Variants in MTUS2 observed in about 807,000 individuals in gnomAD.
The protein encoded by MTUS2 is microtubule associated scaffold protein 2.
Under a neutral mutation model 114.1 loss-of-function variants are expected in MTUS2, and 40 were observed. That is an observed-to-expected ratio of 0.35 (90% CI 0.27 to 0.46). MTUS2 has a LOEUF of 0.46. Among genes scored for constraint, MTUS2 ranks in the 20% least tolerant of loss-of-function variants. The pLI is 1.00. For synonymous variants in MTUS2, 688 were observed against 672.0 expected (o/e 1.02, Z -0.37); for missense variants, 1,679 against 1,705.4 (o/e 0.98, Z 0.27).
intron 5 of MTUS2, among the ~76,000 whole-genome samples, chr13:29,147,973 G>A (rs754723106): frequency 1.3e-5 from 2 of 152,270 alleles, no homozygotes; most frequent in African/African-American, 2.4e-5. Context: ...TGGGATTGCT[G>A]GGTCAAATGA....
At chr13:29,000,826 C>T (rs1356324800) in intron 2 of MTUS2, among the ~76,000 whole-genome samples, 1 of 152,160 alleles carries the variant, frequency 6.6e-6, no homozygotes, top group Admixed American at 6.5e-5. Flanking sequence ...CGTCTGCTGC[C>T]ATTGTCTTCT....
chr13:29,480,385 G>T lies in MTUS2; in HGVS notation c.3399+21G>T. On this transcript the variant is annotated intron_variant, in intron 10 of 15. Transcript: ENST00000612955. This position sits in a 1 kb window ranked among gnomAD's most constrained non-coding sequence, Gnocchi z 4.4. ...AGCAGGTCAGTCTGCAGTGCGGCTC[G>T]AGCTCTGCTGTTGGGTGATGCAGGT... 6.7e-7 allele frequency: 1 copy of T among 1,495,140 alleles called. No homozygotes were observed. The highest frequency in any genetic ancestry group is 8.9e-7 in the Non-Finnish European group (1 of 1,118,668). 92.6% of individuals were successfully genotyped at this position (1,495,140 alleles called of 1,614,324 possible).
intron 12 of MTUS2, among the ~76,000 whole-genome samples, chr13:29,494,123 T>C (rs574688733): frequency 2.0e-5 from 3 of 152,228 alleles, no homozygotes; most frequent in Non-Finnish European, 2.9e-5. Flanking sequence ...GTTTACTCTT[T>C]AAAATAAGGA....
chr13:29,178,280 T>A (rs1292202931), intron 5 of MTUS2, among the ~76,000 whole-genome samples: 2 of 152,336 alleles, frequency 1.3e-5, no homozygotes, highest in Admixed American at 1.3e-4. Flanking sequence ...TGTTACTTTG[T>A]CAATTTTTGT....
Position 29,504,403 on chromosome 13 carries a change from A to C in MTUS2, c.*1197A>C, listed in dbSNP as rs1186489046. ...TAGCAGGGGCTTCCAGAAAAAAAAA[A>C]CACCATTTCTGTCCCGGGGGACCAG... On this transcript the variant is annotated 3_prime_UTR_variant, in exon 16 of 16. Transcript: ENST00000612955. 1 of 219,748 alleles carries C rather than the reference A, an allele frequency of 4.6e-6. No homozygotes were observed. The highest frequency in any genetic ancestry group is 2.4e-5 in the African/African-American group (1 of 42,042). The allele number at this position is 219,748 out of a possible 1,614,324, so 13.6% of individuals were successfully genotyped here.
chr13:29,464,535 C>T (rs530872797), intron 9 of MTUS2, among the ~76,000 whole-genome samples: 10 of 152,324 alleles, frequency 6.6e-5, no homozygotes, highest in South Asian at 4.1e-4. Context: ...TGGTATTTCA[C>T]ACACCAGAGC....
At chr13:29,321,817 G>T (rs1900266395) in intron 6 of MTUS2, among the ~76,000 whole-genome samples, 1 of 152,138 alleles carries the variant, frequency 6.6e-6, no homozygotes, top group African/African-American at 2.4e-5. Context: ...TTATCTTTCA[G>T]ATATTTTTAC....
chr13:29,483,668 G>C lies in MTUS2; in HGVS notation c.3399+3304G>C, dbSNP rs762851879. 5.9e-5 allele frequency among the ~76,000 whole-genome samples: 9 copies of C among 152,248 alleles called. No individual in the cohort carries two copies. In the East Asian group the frequency reaches 7.7e-4, roughly 13 times the overall value. On this transcript the variant is annotated intron_variant, in intron 10 of 15. Coordinates refer to ENST00000612955, the MANE Select transcript of MTUS2 (RefSeq NM_001033602.4). ...GGGAGGGGCGCTGAGGGGGACCTGA[G>C]GGGGTGGTGTTGCCTCTTGGCTTTC...
chr13:29,281,975 T>C (rs1898291954), intron 6 of MTUS2, 110 bp downstream of exon 6: 1 of 1,229,640 alleles, frequency 8.1e-7, no homozygotes, highest in Non-Finnish European at 1.1e-6. Flanking sequence ...GGATGATTGA[T>C]TAAATGATAG....
At chr13:29,161,489 A>C (rs1186775100) in intron 5 of MTUS2, among the ~76,000 whole-genome samples, 1 of 151,980 alleles carries the variant, frequency 6.6e-6, no homozygotes, top group Non-Finnish European at 1.5e-5. Flanking sequence ...TAAATTAATT[A>C]GTAATACAAT....
chr13:29,305,951 G>A (rs1374059361), intron 6 of MTUS2, among the ~76,000 whole-genome samples: 3 of 152,176 alleles, frequency 2.0e-5, no homozygotes, highest in Admixed American at 6.5e-5. Context: ...GATCAAGTTG[G>A]CTTCATCCCA....
intron 5 of MTUS2, among the ~76,000 whole-genome samples, chr13:29,149,987 T>G (rs757591839): frequency 1.1e-4 from 17 of 152,204 alleles, no homozygotes; most frequent in Non-Finnish European, 2.2e-4. Context: ...TAGGATTGCC[T>G]TGGCTATTTG....
intron 2 of MTUS2, among the ~76,000 whole-genome samples, chr13:28,899,201 A>T (rs537347567): frequency 1.3e-4 from 20 of 152,350 alleles, no homozygotes; most frequent in Admixed American, 2.6e-4. Flanking sequence ...CAATAGTAAA[A>T]TATCACAATG....
intron 2 of MTUS2, among the ~76,000 whole-genome samples, chr13:29,014,516 A>G (rs553640437): frequency 1.9e-4 from 29 of 152,252 alleles, no homozygotes; most frequent in East Asian, 3.9e-4. Flanking sequence ...CCTTTATTCT[A>G]TTGGGAGAGG....
intron 6 of MTUS2, among the ~76,000 whole-genome samples, chr13:29,291,041 A>G (rs556623706): frequency 6.6e-6 from 1 of 152,316 alleles, no homozygotes; most frequent in East Asian, 1.9e-4. Flanking sequence ...TTTAAGATAA[A>G]TGAGAGACGT....
chr13:29,017,973 A>G (rs867775702), intron 2 of MTUS2, among the ~76,000 whole-genome samples: 1 of 152,372 alleles, frequency 6.6e-6, no homozygotes, highest in Middle Eastern at 3.4e-3. Context: ...CTATGATTAA[A>G]AAGCATGATA....
intron 2 of MTUS2, among the ~76,000 whole-genome samples, chr13:28,897,555 C>G (rs940613320): frequency 2.0e-5 from 3 of 152,124 alleles, no homozygotes; most frequent in Admixed American, 1.3e-4. Flanking sequence ...TGGGTATATA[C>G]CCAAAGGACT....
At chr13:29,296,368 C>A (rs543093200) in intron 6 of MTUS2, among the ~76,000 whole-genome samples, 2 of 152,022 alleles carry the variant, frequency 1.3e-5, no homozygotes, top group Admixed American at 1.3e-4. Flanking sequence ...CCATGCTTGG[C>A]CAATTAAAAA....
intron 6 of MTUS2, among the ~76,000 whole-genome samples, chr13:29,303,942 G>A (rs550009909): frequency 3.3e-5 from 5 of 152,330 alleles, no homozygotes; most frequent in African/African-American, 1.2e-4. Context: ...AGACTTCTCA[G>A]TAGAAAATCT....
Sources: gnomAD v4.1 joint callset for allele counts (sites outside exome capture counted in the v4.1 genomes callset) on GRCh38, gnomAD v4.1.1 for gene constraint, Gnocchi (gnomAD v3.1) non-coding constraint, MANE v1.5 for transcripts, NCBI Gene and HGNC (gene_info 2026-07-23, HGNC 2026-07-21) for gene names.